The following DLGAP1 variants were observed in gnomAD, a reference collection of about 807,000 sequenced individuals.
DLGAP1 encodes disks large-associated protein 1.
DLGAP1 carries 11 observed loss-of-function variants against 90.8 expected under a neutral mutation model. That is an observed-to-expected ratio of 0.12 (90% CI 0.08 to 0.20). The LOEUF (loss-of-function observed/expected upper bound fraction) is 0.20, where lower values mean the gene tolerates loss of function less well. Ranked by LOEUF, DLGAP1 falls within the 10% of genes least tolerant of loss-of-function variation. The probability of loss-of-function intolerance (pLI) is 1.00; values close to 1 mark genes in which losing one functional copy is unlikely to be tolerated. For missense variants in DLGAP1, 1,050 were observed against 1,333.8 expected, an observed-to-expected ratio of 0.79 and a Z score of 3.31; for synonymous variants, 558 against 540.7, an observed-to-expected ratio of 1.03 and a Z score of -0.44.
At chr18:4,449,056 T>C (rs1036292636) in intron 1 of DLGAP1, among the ~76,000 whole-genome samples, 1 of 152,130 alleles carries the variant, frequency 6.6e-6, no homozygotes, top group Non-Finnish European at 1.5e-5. Flanking sequence ...GAGACAGGCA[T>C]ATACGCAGAA....
At chr18:3,527,608 T>C (rs2051728001) in intron 10 of DLGAP1, among the ~76,000 whole-genome samples, 1 of 151,952 alleles carries the variant, frequency 6.6e-6, no homozygotes, top group African/African-American at 2.4e-5. Context: ...TTTGTTTGTT[T>C]GAGACAGAGT....
chr18:4,337,892 T>A (rs1341063677), intron 1 of DLGAP1, among the ~76,000 whole-genome samples: 1 of 152,208 alleles, frequency 6.6e-6, no homozygotes, highest in Non-Finnish European at 1.5e-5. Context: ...TTCACAGAAG[T>A]CTTTGTCAGG....
chr18:3,976,928 AT>A (rs764682549), intron 3 of DLGAP1, among the ~76,000 whole-genome samples: 2 of 152,188 alleles, frequency 1.3e-5, no homozygotes, highest in Non-Finnish European at 2.9e-5. Flanking sequence ...TTAGATTTGC[AT>A]TTCTCTTAGA....
chr18:4,137,017 A>G (rs1347926969), intron 2 of DLGAP1, among the ~76,000 whole-genome samples: 1 of 152,134 alleles, frequency 6.6e-6, no homozygotes, highest in African/African-American at 2.4e-5. Flanking sequence ...GTCATTTAAC[A>G]TTAGGTATAT....
intron 3 of DLGAP1, among the ~76,000 whole-genome samples, chr18:3,915,849 T>C (rs1007566970): frequency 6.6e-6 from 1 of 152,220 alleles, no homozygotes; most frequent in African/African-American, 2.4e-5. Context: ...GACATCTTAC[T>C]GCTTTTAGGA....
chr18:4,216,442 C>A (rs2077958418), intron 1 of DLGAP1, among the ~76,000 whole-genome samples: 1 of 152,094 alleles, frequency 6.6e-6, no homozygotes, highest in South Asian at 2.1e-4. Flanking sequence ...TATTTTCATT[C>A]ATGTTCATAG....
chr18:4,207,136 A>G (rs1245453560), intron 1 of DLGAP1, among the ~76,000 whole-genome samples: 1 of 152,192 alleles, frequency 6.6e-6, no homozygotes, highest in Non-Finnish European at 1.5e-5. Context: ...GCTAATAAAG[A>G]CATACCTGAG....
At chr18:3,555,451 C>T (rs1453028215) in intron 9 of DLGAP1, among the ~76,000 whole-genome samples, 3 of 152,112 alleles carry the variant, frequency 2.0e-5, no homozygotes, top group Non-Finnish European at 2.9e-5. Context: ...AAAAATGGCT[C>T]GTATAAAGTT....
At chr18:3,687,184 A>C (rs1315832016) in intron 7 of DLGAP1, among the ~76,000 whole-genome samples, 1 of 152,212 alleles carries the variant, frequency 6.6e-6, no homozygotes, top group Non-Finnish European at 1.5e-5. Context: ...GACATTTCAG[A>C]ATTCCAAGAT....
chr18:3,638,149 G>T (rs538951105), intron 7 of DLGAP1, among the ~76,000 whole-genome samples: 7 of 151,370 alleles, frequency 4.6e-5, no homozygotes, highest in Non-Finnish European at 8.8e-5. Flanking sequence ...GGGTTTCACC[G>T]TGTTAGCCAG....
intron 7 of DLGAP1, among the ~76,000 whole-genome samples, chr18:3,654,450 T>G (rs2059415274): frequency 1.3e-5 from 2 of 152,214 alleles, no homozygotes; most frequent in Non-Finnish European, 2.9e-5. Context: ...AAATGAAAAT[T>G]GTATTTTGTC....
intron 3 of DLGAP1, among the ~76,000 whole-genome samples, chr18:4,002,496 C>T (rs762993271): frequency 4.1e-4 from 22 of 54,282 alleles, no homozygotes; most frequent in Non-Finnish European, 9.7e-4. Flanking sequence ...ATGACCCACT[C>T]CACTTCCAGT....
At chr18:4,209,483 C>G (rs935744119) in intron 1 of DLGAP1, among the ~76,000 whole-genome samples, 2 of 152,060 alleles carry the variant, frequency 1.3e-5, no homozygotes, top group South Asian at 4.2e-4. Flanking sequence ...AGTCTTTCAA[C>G]TTATTGTTTG....
At chr18:4,277,956 T>C (rs1245187865) in intron 1 of DLGAP1, among the ~76,000 whole-genome samples, 1 of 152,152 alleles carries the variant, frequency 6.6e-6, no homozygotes, top group Non-Finnish European at 1.5e-5. Context: ...AGCAGTCCTT[T>C]ACTTAGGAAC....
chr18:3,877,170 G>C (rs1410272228), intron 4 of DLGAP1, among the ~76,000 whole-genome samples: 2 of 152,060 alleles, frequency 1.3e-5, no homozygotes, highest in Admixed American at 1.3e-4. Flanking sequence ...TAAGAAATGG[G>C]AACACATTTG....
chr18:4,265,550 C>T (rs890449176), intron 1 of DLGAP1, among the ~76,000 whole-genome samples: 1 of 141,254 alleles, frequency 7.1e-6, no homozygotes, highest in Non-Finnish European at 1.5e-5. Flanking sequence ...CCTCCCCTTC[C>T]TTCCTTCCTT....
At chr18:3,859,125 C>T (rs1326716960) in intron 4 of DLGAP1, among the ~76,000 whole-genome samples, 4 of 152,178 alleles carry the variant, frequency 2.6e-5, no homozygotes, top group Non-Finnish European at 5.9e-5. Context: ...TCTACAAGTG[C>T]TCTGATTTCA....
At chr18:3,774,211 G>C (rs2064832472) in intron 5 of DLGAP1, 1 of 152,184 alleles carries the variant, frequency 6.6e-6, no homozygotes, top group Non-Finnish European at 1.5e-5. Context: ...TAAGGACTTA[G>C]CAAAAGCCTG....
chr18:4,003,881 G>T (rs1190770416), intron 3 of DLGAP1, among the ~76,000 whole-genome samples: 1 of 152,204 alleles, frequency 6.6e-6, no homozygotes, highest in East Asian at 1.9e-4. Context: ...AAGGAAGGAA[G>T]ATGGTCAGGT....
Sources: allele counts gnomAD v4.1 joint callset (sites outside exome capture counted in the v4.1 genomes callset), GRCh38; gene constraint gnomAD v4.1.1; transcripts MANE v1.5; gene names NCBI Gene and HGNC (gene_info 2026-07-23, HGNC 2026-07-21).